TP63: variants seen among roughly 807,000 people sequenced by gnomAD.
The protein encoded by TP63 is tumor protein p63, also known as tumor protein 63.
A neutral mutation model predicts 82.8 loss-of-function variants in TP63; 17 were observed. That is an observed-to-expected ratio of 0.21 (90% confidence interval 0.14 to 0.31). The LOEUF is 0.31. Among genes scored for constraint, TP63 ranks in the 10% least tolerant of loss-of-function variants. TP63 has a pLI of 1.00. For missense variants in TP63, 648 were observed against 895.3 expected (o/e 0.72, Z 3.52); for synonymous variants, 330 against 321.7 (o/e 1.03, Z -0.28).
rs1460434314 is a variant in TP63 at position 189,648,425 on chromosome 3, G to A, written c.62+16848G>A. Among the ~76,000 whole-genome samples, 3 of 147,068 alleles carry A rather than the reference G, an allele frequency of 2.0e-5. 1 individual carries two copies. In the East Asian group the frequency reaches 7.0e-4, roughly 34 times the overall value. On this transcript the variant is annotated intron_variant, in intron 1 of 13. Transcript: ENST00000264731. The stretch of plus-strand genomic sequence containing the variant: ...TACTTTGTGCCCCAATTCATCCCAA[G>A]CACCTAGGCCACAGGCTGGCACACA...
chr3:189,671,981 A>G (rs529916062), intron 1 of TP63, among the ~76,000 whole-genome samples: 243 of 152,262 alleles, frequency 1.6e-3, no homozygotes, highest in South Asian at 5.0e-3. Context: ...CTGCAGCACT[A>G]TAGGGTGAAT....
intron 1 of TP63, among the ~76,000 whole-genome samples, chr3:189,708,790 C>T (rs915050847): frequency 1.3e-5 from 2 of 152,080 alleles, no homozygotes; most frequent in African/African-American, 2.4e-5. Flanking sequence ...AAATAATATG[C>T]GAAGGAAGAC....
At chr3:189,701,827 C>T (rs1391908537) in intron 1 of TP63, among the ~76,000 whole-genome samples, 1 of 152,008 alleles carries the variant, frequency 6.6e-6, no homozygotes, top group Non-Finnish European at 1.5e-5. Flanking sequence ...TAATACCTGG[C>T]CCACGGTCAT....
chr3:189,840,366 T>TTTTTTTTTTTTTTTTTTTTTTTTTG (rs1713869993), intron 4 of TP63, among the ~76,000 whole-genome samples: 1 of 137,654 alleles, frequency 7.3e-6, no homozygotes, highest in Admixed American at 7.0e-5. Context: ...CGTCTTTTTT[T>TTTTTTTTTTTTTTTTTTTTTTTTTG]TTTTTTTTTT....
In TP63 at chr3:189,834,078, C is replaced by T. The variant is rs188311716; in HGVS notation, c.579+25552C>T. ...CGATTTTGAAGGTTGAGAGACATGA[C>T]GATACTTGTTAGGTATGAGGGAGAC... is the stretch of plus-strand genomic sequence containing the variant. On this transcript the variant is annotated intron_variant, in intron 4 of 13. Coordinates refer to ENST00000264731, the MANE Select transcript of TP63 (RefSeq NM_003722.5). 2.6e-3 allele frequency among the ~76,000 whole-genome samples: 396 copies of T among 152,246 alleles called. 1 individual carries two copies. The highest frequency in any genetic ancestry group is 1.9e-3 in the Non-Finnish European group (127 of 68,020).
At chr3:189,775,502 T>A (rs1159015696) in intron 3 of TP63, among the ~76,000 whole-genome samples, 1 of 152,196 alleles carries the variant, frequency 6.6e-6, no homozygotes, top group African/African-American at 2.4e-5. Context: ...TCTCCTTGTT[T>A]TCACTTAGTT....
At chr3:189,704,410 C>T (rs1316109347) in intron 1 of TP63, among the ~76,000 whole-genome samples, 1 of 152,220 alleles carries the variant, frequency 6.6e-6, no homozygotes, top group East Asian at 1.9e-4. Flanking sequence ...GACAGCCCAC[C>T]ATTTAAATAA....
intron 3 of TP63, among the ~76,000 whole-genome samples, chr3:189,790,198 C>T (rs1207714376): frequency 6.6e-6 from 1 of 151,986 alleles, no homozygotes; most frequent in Non-Finnish European, 1.5e-5. Flanking sequence ...TATTCATGTA[C>T]CAGTAAGAAA....
intron 3 of TP63, among the ~76,000 whole-genome samples, chr3:189,764,747 TTCAAG>T (rs1483562798): frequency 6.6e-6 from 1 of 152,186 alleles, no homozygotes; most frequent in African/African-American, 2.4e-5. Context: ...ATGGATATTA[TTCAAG>T]TCATTTCTCA....
At chr3:189,844,249 G>A (rs1714557467) in intron 4 of TP63, 1 of 408,204 alleles carries the variant, frequency 2.4e-6, no homozygotes, top group Non-Finnish European at 5.0e-6. Flanking sequence ...TCAGCTCACT[G>A]CAACCTCCAC....
intron 10 of TP63, among the ~76,000 whole-genome samples, chr3:189,877,999 C>T (rs935269229): frequency 4.2e-4 from 64 of 151,932 alleles, no homozygotes; most frequent in African/African-American, 1.5e-3. Flanking sequence ...CACAGGCACA[C>T]CCCACTGTGC....
intron 2 of TP63, 148 bp from the exon 3 acceptor site, chr3:189,738,494 G>C (rs1720758089): frequency 8.9e-7 from 1 of 1,128,186 alleles, no homozygotes; most frequent in African/African-American, 1.5e-5. Flanking sequence ...AAGTGATTGA[G>C]CCAGGACTCA....
chr3:189,665,494 G>T (rs1461832993), intron 1 of TP63, among the ~76,000 whole-genome samples: 5 of 152,032 alleles, frequency 3.3e-5, no homozygotes, highest in Non-Finnish European at 7.4e-5. Flanking sequence ...GTAGTTTGAG[G>T]ATGAAGTGAA....
intron 1 of TP63, among the ~76,000 whole-genome samples, chr3:189,689,350 T>C (rs537884653): frequency 1.9e-4 from 29 of 151,968 alleles, no homozygotes; most frequent in Admixed American, 1.9e-3. Context: ...TCCTGACCTC[T>C]GGTGATCTGC....
chr3:189,788,806 C>T (rs549923789), intron 3 of TP63, among the ~76,000 whole-genome samples: 2 of 151,752 alleles, frequency 1.3e-5, no homozygotes, highest in East Asian at 3.9e-4. Context: ...AATACTTATT[C>T]CACTAATCAT....
the TP63 span, among the ~76,000 whole-genome samples, chr3:189,609,834 A>G: frequency 5.3e-5 from 8 of 152,152 alleles, no homozygotes; most frequent in African/African-American, 1.9e-4. Flanking sequence ...TAGTGCTGCA[A>G]TGAATGTTTG....
At chr3:189,661,292 A>G (rs1713860188) in intron 1 of TP63, among the ~76,000 whole-genome samples, 1 of 151,824 alleles carries the variant, frequency 6.6e-6, no homozygotes, top group Non-Finnish European at 1.5e-5. Context: ...GGGGTGTTGG[A>G]TTTTATCTAA....
chr3:189,656,118 G>T (rs1233445496), intron 1 of TP63, among the ~76,000 whole-genome samples: 1 of 151,974 alleles, frequency 6.6e-6, no homozygotes, highest in African/African-American at 2.4e-5. Context: ...ATCCTTAATT[G>T]GCCTGAAAGA....
intron 4 of TP63, among the ~76,000 whole-genome samples, chr3:189,823,453 G>C (rs948372816): frequency 2.6e-5 from 4 of 152,128 alleles, no homozygotes; most frequent in African/African-American, 7.2e-5. Flanking sequence ...AGAATGCCAC[G>C]GCATGCAGAC....
Sources: gnomAD v4.1 joint callset for allele counts (sites outside exome capture counted in the v4.1 genomes callset) on GRCh38, gnomAD v4.1.1 for gene constraint, MANE v1.5 for transcripts, NCBI Gene and HGNC (gene_info 2026-07-23, HGNC 2026-07-21) for gene names.